PCDHGA3: variants seen among roughly 807,000 people sequenced by gnomAD.
PCDHGA3 encodes protocadherin gamma subfamily A, 3, also known as protocadherin gamma-A3.
Under a neutral mutation model 58.5 loss-of-function variants are expected in PCDHGA3, and 40 were observed. The ratio of observed to expected loss-of-function variants is 0.68; its 90% CI spans 0.53 to 0.89. The LOEUF is 0.89. Ranked by LOEUF, PCDHGA3 falls within the 40% of genes least tolerant of loss-of-function variation. PCDHGA3 has a pLI of 0.00. For missense variants in PCDHGA3, 1,223 were observed against 1,195.9 expected, an observed-to-expected ratio of 1.02 and a Z score of -0.33; for synonymous variants, 530 against 525.7, an observed-to-expected ratio of 1.01 and a Z score of -0.11.
Position 141,491,902 on chromosome 5 carries a change from G to C in PCDHGA3, c.2425-2905G>C. On this transcript the variant is annotated intron_variant, in intron 1 of 3. Transcript: ENST00000253812. This position sits in a 1 kb window ranked among gnomAD's most constrained non-coding sequence, Gnocchi z 6.9. ...AGGGATGGGGCTCCGAGCACCGGGG[G>C]TGGTGGCGACTGTGGGCGAGGGGAG... 7.0e-7 allele frequency: 1 copy of C among 1,429,002 alleles called. No individual in the cohort carries two copies. Among genetic ancestry groups the C allele is most frequent in the Non-Finnish European group, 9.3e-7 (1 of 1,079,426 alleles). The allele number at this position is 1,429,002 out of a possible 1,614,324, so 88.5% of individuals were successfully genotyped here. A position where few individuals can be genotyped will look rare whatever the true frequency, so the allele number is the denominator to read the frequency against.
chr5:141,401,171 G>T (rs1222326375), intron 1 of PCDHGA3, among the ~76,000 whole-genome samples: 1 of 152,054 alleles, frequency 6.6e-6, no homozygotes, highest in African/African-American at 2.4e-5. Flanking sequence ...GTGAAAACCC[G>T]TCTCTACTAA....
rs778198822 is a variant in PCDHGA3 at position 141,432,802 on chromosome 5, A to G, written c.2425-62005A>G. 29 of 1,613,964 alleles carry G rather than the reference A, an allele frequency of 1.8e-5. No individual in the cohort carries two copies. The African/African-American group carries it at 3.6e-4, about 20-fold the overall frequency. On this transcript the variant is annotated intron_variant, in intron 1 of 3. Coordinates refer to ENST00000253812, the MANE Select transcript of PCDHGA3 (RefSeq NM_018916.4). This position sits in a 1 kb window ranked among gnomAD's most constrained non-coding sequence, Gnocchi z 6.0. ...CGGACCTCGGCAGCCTCGAGTCTCC[A>G]GCTAACTCTGAAACCTCAGACCTCA...
In PCDHGA3 at chr5:141,374,128, G is replaced by T. The variant is rs376765941; in HGVS notation, c.2424+27671G>T. Reference sequence around the variant, plus strand: ...ATCCGCAGCGCAGCGAGCAGGTCCTGCTCCTCACGCTCCTGGGGACGCTGT... The same window carrying T: ...ATCCGCAGCGCAGCGAGCAGGTCCTTCTCCTCACGCTCCTGGGGACGCTGT... On this transcript the variant is annotated intron_variant, in intron 1 of 3. Coordinates refer to ENST00000253812, the MANE Select transcript of PCDHGA3 (RefSeq NM_018916.4). The T allele has an allele frequency of 4.4e-6, 7 of 1,603,372 alleles. No homozygotes were observed. The African/African-American group carries it at 8.0e-5, about 18-fold the overall frequency.
At chr5:141,392,728 G>T in intron 1 of PCDHGA3, 1 of 1,407,730 alleles carries the variant, frequency 7.1e-7, no homozygotes, top group Non-Finnish European at 9.3e-7. Context: ...CCGGAGGATT[G>T]TCATCTCCAT....
rs371756712 is a variant in PCDHGA3 at position 141,345,447 on chromosome 5, T to C, written c.1414T>C (p.Phe472Leu). The change falls in exon 1 of 4, where the codon TTC (phenylalanine) becomes CTC (leucine). Residue 472 changes from phenylalanine to leucine, a missense_variant. Coordinates refer to ENST00000253812, the MANE Select transcript of PCDHGA3 (RefSeq NM_018916.4). ...PENNPRGASI[F>L]SVTAQDPDSN... is the part of the protein sequence containing the mutation. ...AAACAACCCCAGAGGAGCCTCCATC[T>C]TCTCAGTGACAGCCCAGGACCCAGA... 6.8e-6 allele frequency: 11 copies of C among 1,613,944 alleles called. No homozygotes were observed. The highest frequency in any genetic ancestry group is 8.5e-6 in the Non-Finnish European group (10 of 1,180,026).
At chr5:141,508,700 CCT>C in intron 3 of PCDHGA3, among the ~76,000 whole-genome samples, 1 of 152,158 alleles carries the variant, frequency 6.6e-6, no homozygotes, top group Non-Finnish European at 1.5e-5. Flanking sequence ...CCGTGTTCCT[CCT>C]CATTCTTTTC....
chr5:141,503,671 A>G (rs1028896082), intron 2 of PCDHGA3, among the ~76,000 whole-genome samples: 2 of 151,950 alleles, frequency 1.3e-5, no homozygotes, highest in Non-Finnish European at 2.9e-5. Flanking sequence ...AACTCTTCCC[A>G]CTTTTGGGAA....
intron 1 of PCDHGA3, chr5:141,365,741 A>C: frequency 1.2e-6 from 2 of 1,613,506 alleles, no homozygotes; most frequent in African/African-American, 1.3e-5. Context: ...AGGTGTCTCT[A>C]TCTTCTCTGT....
chr5:141,403,308 T>C (rs1245270186), intron 1 of PCDHGA3: 2 of 1,613,866 alleles, frequency 1.2e-6, no homozygotes, highest in Admixed American at 1.7e-5. Flanking sequence ...CTGTACGGAA[T>C]AGAAATAGAA....
chr5:141,485,340 C>A lies in PCDHGA3; in HGVS notation c.2425-9467C>A. 1 of 1,614,076 alleles carries A rather than the reference C, an allele frequency of 6.2e-7. No individual in the cohort carries two copies. On this transcript the variant is annotated intron_variant, in intron 1 of 3. Transcript: ENST00000253812. The surrounding 1 kb of genome is among the most constrained non-coding windows in gnomAD (Gnocchi z 5.7). ...GTCGCTCAAGATTTCCTGCTGGATA[C>A]GGACAGTCTGTCAGCTCGCAGGCTG...
chr5:141,496,783 C>T (rs572860852), intron 2 of PCDHGA3, among the ~76,000 whole-genome samples: 1 of 152,162 alleles, frequency 6.6e-6, no homozygotes, highest in East Asian at 1.9e-4. Context: ...GAGCAGGGCC[C>T]TGTGCTAAAC....
At chr5:141,423,618 C>T (rs2096760725) in intron 1 of PCDHGA3, 2 of 1,608,284 alleles carry the variant, frequency 1.2e-6, no homozygotes, top group East Asian at 2.2e-5. Flanking sequence ...TAGCTGAAGA[C>T]TCAGCTATCA....
At chr5:141,355,929 T>G (rs1760047628) in intron 1 of PCDHGA3, 1 of 1,613,900 alleles carries the variant, frequency 6.2e-7, no homozygotes, top group East Asian at 2.2e-5. Context: ...CCGTGTTCAC[T>G]CAGCCCGAGT....
intron 1 of PCDHGA3, chr5:141,351,730 T>C (rs774894885): frequency 6.2e-7 from 1 of 1,613,666 alleles, no homozygotes; most frequent in East Asian, 2.2e-5. Context: ...TTCTGGCCAG[T>C]GACCTGGAGC....
intron 1 of PCDHGA3, among the ~76,000 whole-genome samples, chr5:141,449,520 C>T (rs1384869748): frequency 1.4e-5 from 2 of 144,104 alleles, no homozygotes; most frequent in Non-Finnish European, 1.5e-5. Context: ...ACCTGGGAGG[C>T]GGAGGTTGCA....
rs141958687 is a variant in PCDHGA3 at position 141,509,744 on chromosome 5, G to A, written c.2573-1203G>A. 3.3e-3 allele frequency among the ~76,000 whole-genome samples: 509 copies of A among 152,266 alleles called. 3 individuals are homozygous for A. The highest frequency in any genetic ancestry group is 5.5e-3 in the Non-Finnish European group (372 of 68,024). On this transcript the variant is annotated intron_variant, in intron 3 of 3. Coordinates refer to ENST00000253812, the MANE Select transcript of PCDHGA3 (RefSeq NM_018916.4). ...CACCTAGCTGTGGCACTCTGAGCCT[G>A]TGCCTAAAGTGTCCCTGAGATGTCT...
chr5:141,469,853 G>A (rs549678022), intron 1 of PCDHGA3, among the ~76,000 whole-genome samples: 5 of 152,270 alleles, frequency 3.3e-5, no homozygotes, highest in South Asian at 2.1e-4. Context: ...GATTCAGACC[G>A]GGTGCAATGG....
intron 1 of PCDHGA3, chr5:141,365,186 GA>G: frequency 1.2e-6 from 2 of 1,613,880 alleles, no homozygotes; most frequent in Non-Finnish European, 1.7e-6. Flanking sequence ...CAATGAAGAA[GA>G]AAAAATTTCG....
At chr5:141,479,476 G>A (rs1481785254) in intron 1 of PCDHGA3, 1 of 152,250 alleles carries the variant, frequency 6.6e-6, no homozygotes, top group African/African-American at 2.4e-5. Context: ...CCTCTTGGGA[G>A]GGCAGGACCA....
Sources: allele counts gnomAD v4.1 joint callset (sites outside exome capture counted in the v4.1 genomes callset), GRCh38; gene constraint gnomAD v4.1.1; non-coding constraint Gnocchi (gnomAD v3.1); transcripts MANE v1.5; gene names NCBI Gene and HGNC (gene_info 2026-07-23, HGNC 2026-07-21).